Variants in HIPK2 observed in about 807,000 individuals in gnomAD.
HIPK2 encodes the protein homeodomain-interacting protein kinase 2.
Under a neutral mutation model 113.7 loss-of-function variants are expected in HIPK2, and 27 were observed. The observed-to-expected ratio is 0.24, with a 90% CI of 0.17 to 0.33. The LOEUF is 0.33. HIPK2 is among the 10% of genes least tolerant of loss of function. The probability of loss-of-function intolerance (pLI) is 1.00; values close to 1 mark genes in which losing one functional copy is unlikely to be tolerated. For synonymous variants in HIPK2, 631 were observed against 642.2 expected (o/e 0.98, Z 0.26); for missense variants, 1,257 against 1,588.0 (o/e 0.79, Z 3.54).
chr7:139,630,541 G>A lies in HIPK2; in HGVS notation c.1347+624C>T, dbSNP rs1192017862. ...GCTTCCTGAGTAGGTGGGATTACAG[G>A]AGCATGCCACCACGCCCAGCTAATT... On this transcript the variant is annotated intron_variant, in intron 4 of 14. Coordinates refer to ENST00000406875, the MANE Select transcript of HIPK2 (RefSeq NM_022740.5). This position sits in a 1 kb window ranked among gnomAD's most constrained non-coding sequence, Gnocchi z 4.0. Among the ~76,000 whole-genome samples, 1 of 152,218 alleles carries A rather than the reference G, an allele frequency of 6.6e-6. No individual in the cohort carries two copies. Among genetic ancestry groups the A allele is most frequent in the African/African-American group, 2.4e-5 (1 of 41,438 alleles).
chr7:139,700,436 C>A (rs1349423896), intron 2 of HIPK2, among the ~76,000 whole-genome samples: 2 of 152,232 alleles, frequency 1.3e-5, no homozygotes, highest in African/African-American at 4.8e-5. Context: ...AAAGCCCTTT[C>A]CTGCAAATAC....
At chr7:139,694,030 G>T (rs1182952169) in intron 2 of HIPK2, among the ~76,000 whole-genome samples, 1 of 152,130 alleles carries the variant, frequency 6.6e-6, no homozygotes, top group African/African-American at 2.4e-5. Context: ...AAGAAACTTG[G>T]AACTGCAAAA....
chr7:139,581,037 C>T (rs909468001), intron 13 of HIPK2, among the ~76,000 whole-genome samples: 3 of 151,742 alleles, frequency 2.0e-5, no homozygotes, highest in Non-Finnish European at 2.9e-5. Flanking sequence ...CTGGCTAACG[C>T]GGTGAAACCC....
chr7:139,763,108 T>C (rs1008069614), intron 1 of HIPK2, among the ~76,000 whole-genome samples: 2 of 151,966 alleles, frequency 1.3e-5, no homozygotes. Context: ...CTGGGAACAG[T>C]CACAGAACTG....
chr7:139,675,879 G>A (rs562698257), intron 2 of HIPK2, among the ~76,000 whole-genome samples: 1 of 152,158 alleles, frequency 6.6e-6, no homozygotes, highest in Non-Finnish European at 1.5e-5. Flanking sequence ...AATGATGCCT[G>A]AACAGATGGC....
intron 2 of HIPK2, among the ~76,000 whole-genome samples, chr7:139,696,230 A>G (rs1794563233): frequency 6.6e-6 from 1 of 152,170 alleles, no homozygotes; most frequent in African/African-American, 2.4e-5. Context: ...AAGGCCTGTG[A>G]CAATGAAATA....
At chr7:139,725,314 T>C (rs760460545) in intron 1 of HIPK2, among the ~76,000 whole-genome samples, 4 of 152,160 alleles carry the variant, frequency 2.6e-5, no homozygotes, top group Admixed American at 2.6e-4. Context: ...AAGCTGCAAT[T>C]AGAAAGATGG....
rs146646881 is a variant in HIPK2 at position 139,587,092 on chromosome 7, T to TTTATG, written c.2718-3029_2718-3028insCATAA. On this transcript the variant is annotated intron_variant, in intron 12 of 14. Transcript: ENST00000406875. ...CTTAAAAATGGTTGAAATGGCAAAT[T>TTTATG]TTATATTTTACCACAATTAAAAATT... 4.9e-3 allele frequency among the ~76,000 whole-genome samples: 748 copies of TTTATG among 152,250 alleles called. 6 individuals carry two copies. The highest frequency in any genetic ancestry group is 0.017 in the African/African-American group (700 of 41,534).
At chr7:139,636,360 T>A (rs1256737493) in intron 2 of HIPK2, among the ~76,000 whole-genome samples, 1 of 151,950 alleles carries the variant, frequency 6.6e-6, no homozygotes, top group Non-Finnish European at 1.5e-5. Flanking sequence ...CCCTAGATAA[T>A]TGTTATGGGT....
chr7:139,610,945 C>T (rs1021916087), intron 9 of HIPK2, among the ~76,000 whole-genome samples: 5 of 152,214 alleles, frequency 3.3e-5, no homozygotes, highest in Non-Finnish European at 4.4e-5. Flanking sequence ...CACTGCATGG[C>T]AGGATCCAGT....
rs34446527 is a variant in HIPK2 at position 139,621,925 on chromosome 7, GA to G, written c.1620-1363del. On this transcript the variant is annotated intron_variant, in intron 6 of 14. Transcript: ENST00000406875. ...GTGACAGGGTGAGACCCTGTCTCAG[GA>G]AAAAAAAAAAAAAAAAAATTAAAAG... Among the ~76,000 whole-genome samples, 685 of 75,564 alleles carry G rather than the reference GA, an allele frequency of 9.1e-3. 3 individuals carry two copies. Among genetic ancestry groups the G allele is most frequent in the South Asian group, 0.039 (81 of 2,102 alleles). 49.6% of individuals were successfully genotyped at this position (75,564 alleles called of 152,430 possible). A position where few individuals can be genotyped will look rare whatever the true frequency, so the allele number is the denominator to read the frequency against.
At chr7:139,738,155 A>C (rs924896551) in intron 1 of HIPK2, among the ~76,000 whole-genome samples, 1 of 152,268 alleles carries the variant, frequency 6.6e-6, no homozygotes, top group Non-Finnish European at 1.5e-5. Flanking sequence ...CAAGACCTCC[A>C]TTCTAAAAGG....
intron 13 of HIPK2, among the ~76,000 whole-genome samples, chr7:139,576,893 C>T (rs1166618454): frequency 6.6e-6 from 1 of 152,182 alleles, no homozygotes; most frequent in Non-Finnish European, 1.5e-5. Context: ...GGGAGTTCTG[C>T]AGACAGGACC....
chr7:139,716,405 A>G lies in HIPK2; in HGVS notation c.630T>C (p.Phe210=). ...EVLEFLGRGT[F]GQVVKCWKRG... ...GTTTCCAGCACTTGACCACTTGCCC[A>G]AACGTCCCTCGGCCCAAGAACTCTA... The change falls in exon 2 of 15, where the codon TTT becomes TTC. Residue 210 remains phenylalanine (F), a synonymous_variant. Transcript: ENST00000406875. The surrounding 1 kb of genome is among the most constrained non-coding windows in gnomAD (Gnocchi z 9.3). 4.3e-6 allele frequency: 7 copies of G among 1,614,030 alleles called. No homozygotes were observed. Among genetic ancestry groups the G allele is most frequent in the Non-Finnish European group, 5.9e-6 (7 of 1,179,944 alleles).
intron 2 of HIPK2, among the ~76,000 whole-genome samples, chr7:139,635,798 C>T (rs1800792483): frequency 6.6e-6 from 1 of 152,134 alleles, no homozygotes; most frequent in Non-Finnish European, 1.5e-5. Flanking sequence ...AAAATCGAGC[C>T]GACACAGCAC....
rs549752893 is a variant in HIPK2, at chr7:139,641,380, A to G, written c.1104-9655T>C. On this transcript the variant is annotated intron_variant, in intron 2 of 14. Coordinates refer to ENST00000406875, the MANE Select transcript of HIPK2 (RefSeq NM_022740.5). ...CAAGACTCAGTCTCAAAAAAAAAAA[A>G]AAAAAGGAATAAAACTCCCTATCCA... Among the ~76,000 whole-genome samples, 21 of 152,094 alleles carry G rather than the reference A, an allele frequency of 1.4e-4. No individual in the cohort carries two copies. The East Asian group carries it at 3.9e-3, about 28-fold the overall frequency.
rs1798045604 is a variant in HIPK2 at position 139,564,782 on chromosome 7, T to TA, written c.*8144dup. 6.6e-6 allele frequency: 1 copy of TA among 152,252 alleles called. No homozygotes were observed. Among genetic ancestry groups the TA allele is most frequent in the South Asian group, 2.1e-4 (1 of 4,838 alleles). 9.4% of individuals were successfully genotyped at this position (152,252 alleles called of 1,614,324 possible). Reference sequence around the variant, plus strand: ...TGTAAACTATAAAACACTTTAACTATAAAACGTAGCCAGAAATATGCTTAA... The same window carrying TA: ...TGTAAACTATAAAACACTTTAACTATAAAAACGTAGCCAGAAATATGCTTAA... On this transcript the variant is annotated 3_prime_UTR_variant, in exon 15 of 15. Transcript: ENST00000406875.
chr7:139,765,254 T>C (rs1436629240), intron 1 of HIPK2, among the ~76,000 whole-genome samples: 2 of 152,178 alleles, frequency 1.3e-5, no homozygotes, highest in African/African-American at 4.8e-5. Flanking sequence ...TCCTAACATC[T>C]AGACAAACCT....
intron 2 of HIPK2, among the ~76,000 whole-genome samples, chr7:139,640,967 TACATTAAAGCATATAC>T (rs1569461741): frequency 6.6e-6 from 1 of 152,204 alleles, no homozygotes; most frequent in South Asian, 2.1e-4. Context: ...TCTGTTGAAA[TACATTAAAGCATATAC>T]ACTAAACAAC....
Sources: gnomAD v4.1 joint callset for allele counts (sites outside exome capture counted in the v4.1 genomes callset) on GRCh38, gnomAD v4.1.1 for gene constraint, Gnocchi (gnomAD v3.1) non-coding constraint, MANE v1.5 for transcripts, NCBI Gene and HGNC (gene_info 2026-07-23, HGNC 2026-07-21) for gene names.